Variants in PRLR observed in about 807,000 individuals in gnomAD.
PRLR encodes hPRL receptor.
In PRLR, 13 loss-of-function variants were observed where a neutral mutation model predicts 40.2. That is an observed-to-expected ratio of 0.32 (90% CI 0.21 to 0.51). PRLR has a LOEUF of 0.51. Ranked by LOEUF, PRLR falls within the 20% of genes least tolerant of loss-of-function variation. The pLI, the probability that PRLR is intolerant of heterozygous loss-of-function variation, is 0.97. For synonymous variants in PRLR, 269 were observed against 278.7 expected (o/e 0.97, Z 0.35); for missense variants, 656 against 747.3 (o/e 0.88, Z 1.42).
At chr5:35,050,485 G>C (rs893232987) in intron 8 of PRLR, among the ~76,000 whole-genome samples, 9 of 152,190 alleles carry the variant, frequency 5.9e-5, no homozygotes, top group East Asian at 3.9e-4. Context: ...CATAAGACTA[G>C]AGAAGATGAA....
chr5:35,065,658 T>G lies in PRLR; in HGVS notation c.1300A>C (p.Thr434Pro), dbSNP rs1341033817. 1.2e-6 allele frequency: 2 copies of G among 1,613,904 alleles called. No homozygotes were observed. Among genetic ancestry groups the G allele is most frequent in the Admixed American group, 3.3e-5 (2 of 59,984 alleles). The stretch of plus-strand genomic sequence containing the variant: ...CCCACAGCCAGCTCACACACATCAG[T>G]AATATTGTGGTAAGAGGATCTGGGG... ...HNPRSSYHNI[T>P]DVCELAVGPA... Residue 434 changes from threonine (T) to proline (P), a missense_variant, in exon 10 of 10, where the codon ACT becomes CCT. By Grantham distance (38) the Thr-to-Pro change is conservative. Coordinates refer to ENST00000618457, the MANE Select transcript of PRLR (RefSeq NM_000949.7).
At chr5:35,168,362 G>A (rs981219181) in intron 1 of PRLR, among the ~76,000 whole-genome samples, 6 of 151,836 alleles carry the variant, frequency 4.0e-5, no homozygotes, top group East Asian at 1.9e-4. Context: ...CTTAATTGAC[G>A]TTTATATAAT....
Position 35,064,789 on chromosome 5 carries a change from A to G in PRLR, c.*300T>C, listed in dbSNP as rs1188678329. On this transcript the variant is annotated 3_prime_UTR_variant, in exon 10 of 10. Coordinates refer to ENST00000618457, the MANE Select transcript of PRLR (RefSeq NM_000949.7). ...ATGCCAAATCATGAAAGCCTTTTCCAGAGGATATACCTATTGGCATTGTCC... is the reference window on the plus strand; with the variant it reads ...ATGCCAAATCATGAAAGCCTTTTCCGGAGGATATACCTATTGGCATTGTCC... The G allele has an allele frequency of 1.2e-5, 3 of 255,982 alleles. No homozygotes were observed. The allele number at this position is 255,982 out of a possible 1,614,324, so 15.9% of individuals were successfully genotyped here.
chr5:35,098,939 G>T (rs1387185575), intron 2 of PRLR, among the ~76,000 whole-genome samples: 3 of 152,170 alleles, frequency 2.0e-5, no homozygotes, highest in Admixed American at 6.5e-5. Context: ...CCTTGTGGGA[G>T]AATCTTTGGA....
intron 5 of PRLR, among the ~76,000 whole-genome samples, chr5:35,077,558 T>G (rs1350953703): frequency 2.6e-5 from 4 of 152,058 alleles, no homozygotes; most frequent in African/African-American, 9.7e-5. Flanking sequence ...ATAAAGCAAG[T>G]CCTTAGAGAC....
chr5:35,177,970 G>A (rs1327788297), intron 1 of PRLR, among the ~76,000 whole-genome samples: 2 of 151,816 alleles, frequency 1.3e-5, no homozygotes, highest in African/African-American at 4.8e-5. Context: ...TGCCAACACT[G>A]GTTATTGCCT....
intron 1 of PRLR, among the ~76,000 whole-genome samples, chr5:35,163,780 A>G (rs1774743214): frequency 6.6e-6 from 1 of 152,350 alleles, no homozygotes; most frequent in Non-Finnish European, 1.5e-5. Context: ...CTTTTTAAAC[A>G]TCAACTTTCT....
At chr5:35,137,706 C>A (rs1331614390) in intron 1 of PRLR, among the ~76,000 whole-genome samples, 1 of 152,204 alleles carries the variant, frequency 6.6e-6, no homozygotes, top group Non-Finnish European at 1.5e-5. Context: ...ATGGAAATGA[C>A]ACTGTAGTGC....
chr5:35,071,226 C>A (rs891660536), intron 6 of PRLR, among the ~76,000 whole-genome samples: 1 of 152,178 alleles, frequency 6.6e-6, no homozygotes, highest in African/African-American at 2.4e-5. Context: ...AGCTAAATAA[C>A]CCCACAAAGA....
At chr5:35,103,721 CAGTTTGGGAGACAGAAATTAATA>C (rs1772042440) in intron 2 of PRLR, among the ~76,000 whole-genome samples, 1 of 152,174 alleles carries the variant, frequency 6.6e-6, no homozygotes, top group African/African-American at 2.4e-5. Flanking sequence ...CCTCTACACT[CAGTTTGGGAGACAGAAATTAATA>C]TTACCATAAG....
chr5:35,173,923 G>T (rs560152884), intron 1 of PRLR, among the ~76,000 whole-genome samples: 1 of 152,100 alleles, frequency 6.6e-6, no homozygotes, highest in Non-Finnish European at 1.5e-5. Flanking sequence ...ATGTTGGTGT[G>T]CTGCATCCAT....
At chr5:35,157,450 G>C (rs938253732) in intron 1 of PRLR, among the ~76,000 whole-genome samples, 17 of 152,140 alleles carry the variant, frequency 1.1e-4, no homozygotes, top group African/African-American at 3.4e-4. Flanking sequence ...CCCCTTCCAG[G>C]GAGGACTTGC....
intron 1 of PRLR, among the ~76,000 whole-genome samples, chr5:35,133,617 T>G (rs1773756319): frequency 6.6e-6 from 1 of 152,224 alleles, no homozygotes; most frequent in East Asian, 1.9e-4. Context: ...AGCTTGAATG[T>G]TCTTCCTTCT....
Position 35,196,668 on chromosome 5 carries a change from C to T in PRLR, c.-106+33600G>A, listed in dbSNP as rs186475444. Among the ~76,000 whole-genome samples the T allele has an allele frequency of 4.3e-3, 652 of 152,312 alleles. 4 individuals carry two copies. The highest frequency in any genetic ancestry group is 0.015 in the African/African-American group (628 of 41,566). On this transcript the variant is annotated intron_variant, in intron 1 of 9. Coordinates refer to ENST00000618457, the MANE Select transcript of PRLR (RefSeq NM_000949.7). ...TCCCAGGCTGCTACATGAACATTGC[C>T]ATGGGCAGGACACTCCAGTGTGTTT... is the stretch of plus-strand genomic sequence containing the variant.
At chr5:35,224,090 C>T (rs879418223) in intron 1 of PRLR, among the ~76,000 whole-genome samples, 2 of 152,178 alleles carry the variant, frequency 1.3e-5, no homozygotes, top group Non-Finnish European at 2.9e-5. Flanking sequence ...ACTGGCTACC[C>T]CTTGTTCCGT....
At position 35,065,701 on chromosome 5, in the gene PRLR, T is replaced by C. The variant is rs1192275877; in HGVS notation, c.1257A>G (p.Pro419=). ...ATCTGGGGTTGTGCTGGCTGGGCTG[T>C]GGTAAGGGCCATGTTGAACATTTGG... ...GGSKCSTWPL[P]QPSQHNPRSS... is the part of the protein sequence containing the mutation. The change falls in exon 10 of 10, where the codon CCA becomes CCG. Residue 419 remains proline (P), a synonymous_variant. Transcript: ENST00000618457. 11 of 1,614,032 alleles carry C rather than the reference T, an allele frequency of 6.8e-6. No individual in the cohort carries two copies. The highest frequency in any genetic ancestry group is 8.5e-6 in the Non-Finnish European group (10 of 1,180,030).
chr5:35,204,179 T>G (rs1356070184), intron 1 of PRLR, among the ~76,000 whole-genome samples: 4 of 151,404 alleles, frequency 2.6e-5, no homozygotes, highest in Non-Finnish European at 2.9e-5. Context: ...CGCCGTTGTA[T>G]TCCAGCCTGG....
intron 5 of PRLR, among the ~76,000 whole-genome samples, chr5:35,083,231 G>A (rs140219437): frequency 3.3e-5 from 5 of 152,054 alleles, no homozygotes; most frequent in African/African-American, 1.2e-4. Flanking sequence ...GGGCTCTCCA[G>A]AACATTGTCC....
chr5:35,214,283 C>T (rs1165766789), intron 1 of PRLR, among the ~76,000 whole-genome samples: 3 of 152,282 alleles, frequency 2.0e-5, no homozygotes, highest in Non-Finnish European at 4.4e-5. Context: ...CATAACCTAG[C>T]TCTTCAGATA....
Sources: gnomAD v4.1 joint callset for allele counts (sites outside exome capture counted in the v4.1 genomes callset) on GRCh38, gnomAD v4.1.1 for gene constraint, MANE v1.5 for transcripts, NCBI Gene and HGNC (gene_info 2026-07-23, HGNC 2026-07-21) for gene names.